SCN2A: variants seen among roughly 807,000 people sequenced by gnomAD.
SCN2A encodes sodium voltage-gated channel alpha subunit 2, also known as sodium channel protein type 2 subunit alpha.
A neutral mutation model predicts 188.7 loss-of-function variants in SCN2A; 20 were observed. That is an observed-to-expected ratio of 0.11 (90% CI 0.07 to 0.15). The LOEUF is 0.15. SCN2A is among the 10% of genes least tolerant of loss of function. The pLI, the probability that SCN2A is intolerant of heterozygous loss-of-function variation, is 1.00. For synonymous variants in SCN2A, 804 were observed against 833.1 expected, an observed-to-expected ratio of 0.97 and a Z score of 0.60; for missense variants, 1,278 against 2,445.0, an observed-to-expected ratio of 0.52 and a Z score of 10.07.
intron 10 of SCN2A, among the ~76,000 whole-genome samples, chr2:165,315,058 C>T (rs1157327800): frequency 6.6e-6 from 1 of 152,124 alleles, no homozygotes; most frequent in African/African-American, 2.4e-5. Flanking sequence ...ATAATTCAGA[C>T]TAGCACTAAA....
At chr2:165,270,389 A>G (rs1695052225) in intron 1 of SCN2A, 1 of 152,108 alleles carries the variant, frequency 6.6e-6, no homozygotes, top group African/African-American at 2.4e-5. Context: ...CAGCTGTACT[A>G]GAATTGTAAT....
intron 3 of SCN2A, among the ~76,000 whole-genome samples, chr2:165,300,698 G>T (rs1271001742): frequency 6.6e-6 from 1 of 152,162 alleles, no homozygotes; most frequent in Non-Finnish European, 1.5e-5. Context: ...AGTGGGAAAG[G>T]CAGGAAGCGA....
intron 1 of SCN2A, chr2:165,267,502 G>A (rs2106098786): frequency 6.6e-6 from 1 of 151,898 alleles, no homozygotes; most frequent in Admixed American, 6.6e-5. Flanking sequence ...ACTCAAAATG[G>A]ATTAACAACT....
chr2:165,258,578 A>G (rs1251669539), intron 1 of SCN2A, among the ~76,000 whole-genome samples: 1 of 152,228 alleles, frequency 6.6e-6, no homozygotes, highest in Non-Finnish European at 1.5e-5. Flanking sequence ...CAACCCCATA[A>G]TTGGGTATGT....
At chr2:165,326,039 G>A (rs1355196373) in intron 12 of SCN2A, among the ~76,000 whole-genome samples, 1 of 152,044 alleles carries the variant, frequency 6.6e-6, no homozygotes, top group Non-Finnish European at 1.5e-5. Context: ...TTAACACTCA[G>A]ACCTGCATTT....
At chr2:165,294,029 A>G in intron 1 of SCN2A, 1 of 920,288 alleles carries the variant, frequency 1.1e-6, no homozygotes, top group Non-Finnish European at 1.3e-6. Flanking sequence ...AAAAAAAAAA[A>G]AAAAAAAAAG....
intron 1 of SCN2A, among the ~76,000 whole-genome samples, chr2:165,245,803 C>A (rs1693818650): frequency 6.6e-6 from 1 of 152,188 alleles, no homozygotes; most frequent in South Asian, 2.1e-4. Flanking sequence ...CAAGAAACTT[C>A]TACATTTAAT....
At chr2:165,327,127 A>G in intron 13 of SCN2A, 143 bp downstream of exon 13, 1 of 1,057,152 alleles carries the variant, frequency 9.5e-7, no homozygotes, top group Non-Finnish European at 1.4e-6. Flanking sequence ...ATCCGTGCAT[A>G]ACTCATGGAT....
At chr2:165,302,802 T>C (rs1696894786) in intron 3 of SCN2A, among the ~76,000 whole-genome samples, 4 of 152,174 alleles carry the variant, frequency 2.6e-5, no homozygotes, top group African/African-American at 9.7e-5. Context: ...GTTATGATGA[T>C]CCAGGCTCCA....
At chr2:165,260,215 T>G (rs928480773) in intron 1 of SCN2A, among the ~76,000 whole-genome samples, 3 of 152,102 alleles carry the variant, frequency 2.0e-5, no homozygotes, top group Non-Finnish European at 4.4e-5. Flanking sequence ...AGTGCTAGGA[T>G]TATAGGCGTG....
At chr2:165,348,972 A>G (rs1037047855) in intron 16 of SCN2A, among the ~76,000 whole-genome samples, 2 of 152,244 alleles carry the variant, frequency 1.3e-5, no homozygotes, top group African/African-American at 4.8e-5. Flanking sequence ...CTTCTGCCAT[A>G]TTGTATTCAT....
At chr2:165,289,047 T>C (rs1695981137) in intron 1 of SCN2A, among the ~76,000 whole-genome samples, 1 of 152,098 alleles carries the variant, frequency 6.6e-6, no homozygotes, top group Non-Finnish European at 1.5e-5. Flanking sequence ...CAAAATTTTC[T>C]AAGTCTTTGC....
chr2:165,363,796 T>C (rs1020382861), intron 17 of SCN2A, among the ~76,000 whole-genome samples: 1 of 152,116 alleles, frequency 6.6e-6, no homozygotes, highest in Non-Finnish European at 1.5e-5. Flanking sequence ...ATTTAACTTT[T>C]TTGGACAAAT....
At chr2:165,308,110 C>T (rs899784840) in intron 4 of SCN2A, among the ~76,000 whole-genome samples, 173 bp downstream of exon 4, 1 of 152,106 alleles carries the variant, frequency 6.6e-6, no homozygotes, top group African/African-American at 2.4e-5. Flanking sequence ...TTGTAGTGGG[C>T]TCACTTAGTT....
intron 1 of SCN2A, among the ~76,000 whole-genome samples, chr2:165,260,485 G>T (rs1694538875): frequency 6.6e-6 from 1 of 152,106 alleles, no homozygotes; most frequent in Non-Finnish European, 1.5e-5. Flanking sequence ...AGACTTTATT[G>T]TTTCATTCAC....
At chr2:165,367,087 A>G (rs1700768237) in intron 18 of SCN2A, 130 bp from the exon 19 acceptor site, 1 of 833,792 alleles carries the variant, frequency 1.2e-6, no homozygotes, top group South Asian at 1.6e-5. Context: ...TTGTAAGCGG[A>G]AGCTATCTTA....
intron 20 of SCN2A, 31 bp from the exon 21 acceptor site, chr2:165,373,194 A>G (rs749593692): frequency 1.9e-6 from 3 of 1,610,418 alleles, no homozygotes; most frequent in Non-Finnish European, 1.7e-6. Context: ...TTATATGTAA[A>G]TAAGAAAATT....
intron 4 of SCN2A, 151 bp downstream of exon 4, chr2:165,308,088 C>T (rs1271950915): frequency 4.2e-6 from 3 of 709,648 alleles, no homozygotes; most frequent in East Asian, 2.6e-5. Flanking sequence ...TAAATGTCTT[C>T]TAGGACAAAG....
intron 26 of SCN2A, among the ~76,000 whole-genome samples, chr2:165,387,643 T>C (rs1701943671): frequency 6.6e-6 from 1 of 152,000 alleles, no homozygotes; most frequent in African/African-American, 2.4e-5. Flanking sequence ...AAAGATTTAT[T>C]GGAAAAAATA....
Sources: gnomAD v4.1 joint callset for allele counts (sites outside exome capture counted in the v4.1 genomes callset) on GRCh38, gnomAD v4.1.1 for gene constraint, MANE v1.5 for transcripts, NCBI Gene and HGNC (gene_info 2026-07-23, HGNC 2026-07-21) for gene names.